IL34: variants seen among roughly 807,000 people sequenced by gnomAD.
The protein encoded by IL34 is interleukin 34.
A neutral mutation model predicts 25.3 loss-of-function variants in IL34; 17 were observed. The observed-to-expected ratio is 0.67, with a 90% CI of 0.46 to 1.01. The LOEUF (loss-of-function observed/expected upper bound fraction) is 1.01. IL34 is among the 50% of genes least tolerant of loss of function. IL34 has a pLI of 0.00. For missense variants in IL34, 368 were observed against 312.9 expected, an observed-to-expected ratio of 1.18 and a Z score of -1.33; for synonymous variants, 174 against 140.9, an observed-to-expected ratio of 1.23 and a Z score of -1.66.
At chr16:70,586,248 C>T (rs904966100) in intron 1 of IL34, among the ~76,000 whole-genome samples, 5 of 152,114 alleles carry the variant, frequency 3.3e-5, no homozygotes, top group East Asian at 1.9e-4. Context: ...TTAGCTATTG[C>T]GAATAACGCT....
At chr16:70,626,725 T>C (rs1168849552) in intron 1 of IL34, among the ~76,000 whole-genome samples, 3 of 152,128 alleles carry the variant, frequency 2.0e-5, no homozygotes, top group East Asian at 1.9e-4. Flanking sequence ...TGTTTTCTTC[T>C]ATTATTTTAT....
rs970877724 is a variant in IL34, at chr16:70,660,437, G to A, written c.*250G>A. On this transcript the variant is annotated 3_prime_UTR_variant, in exon 6 of 6. Transcript: ENST00000288098. ...AAGGTGGATGGGGACACAGCTCCTG[G>A]CTTCTCCTGGTGCTGCCCTCACTGT... is the stretch of plus-strand genomic sequence containing the variant. 50 of 439,794 alleles carry A rather than the reference G, an allele frequency of 1.1e-4. No homozygotes were observed. The highest frequency in any genetic ancestry group is 1.9e-4 in the Non-Finnish European group (47 of 250,586). The allele number at this position is 439,794 out of a possible 1,614,324, so 27.2% of individuals were successfully genotyped here.
At chr16:70,583,630 G>T (rs1271757093) in intron 1 of IL34, among the ~76,000 whole-genome samples, 1 of 151,840 alleles carries the variant, frequency 6.6e-6, no homozygotes, top group Non-Finnish European at 1.5e-5. Context: ...GCTGGGTTCT[G>T]GTCCCAGCCC....
intron 1 of IL34, among the ~76,000 whole-genome samples, chr16:70,599,331 C>CTTT (rs1459197847): frequency 1.4e-4 from 7 of 51,310 alleles, no homozygotes; most frequent in Admixed American, 8.2e-4. Context: ...CTTTCTTTCT[C>CTTT]TCTTTCTTTC....
At chr16:70,597,248 T>C (rs1363692183) in intron 1 of IL34, among the ~76,000 whole-genome samples, 1 of 151,098 alleles carries the variant, frequency 6.6e-6, no homozygotes, top group Non-Finnish European at 1.5e-5. Flanking sequence ...GGAGACAGTG[T>C]CTTGCTCTGT....
intron 1 of IL34, among the ~76,000 whole-genome samples, chr16:70,635,759 T>G (rs1253426714): frequency 6.6e-6 from 1 of 152,318 alleles, no homozygotes; most frequent in Admixed American, 6.5e-5. Context: ...CCTACGTTTT[T>G]CCAAAACCCA....
At chr16:70,659,596 C>T in intron 4 of IL34, 22 bp from the exon 5 acceptor site, 1 of 1,593,674 alleles carries the variant, frequency 6.3e-7, no homozygotes, top group South Asian at 1.1e-5. Context: ...GCCACCGCTC[C>T]TGACTGTTTC....
intron 1 of IL34, among the ~76,000 whole-genome samples, chr16:70,594,527 A>T (rs1161855805): frequency 1.3e-5 from 2 of 152,192 alleles, no homozygotes; most frequent in African/African-American, 4.8e-5. Context: ...ACAGTTACTG[A>T]TGCCTGGTTC....
chr16:70,635,833 A>T (rs569545164), intron 1 of IL34, among the ~76,000 whole-genome samples: 1 of 152,290 alleles, frequency 6.6e-6, no homozygotes, highest in Admixed American at 6.5e-5. Context: ...GATAGCATGT[A>T]CTGTATGCCA....
chr16:70,635,905 T>C (rs2051631430), intron 1 of IL34, among the ~76,000 whole-genome samples: 1 of 152,022 alleles, frequency 6.6e-6, no homozygotes, highest in South Asian at 2.1e-4. Flanking sequence ...CCCTTTGAGG[T>C]CAGAATCTCA....
At position 70,646,645 on chromosome 16, in the gene IL34, G is replaced by A. The variant is rs1479481052; in HGVS notation, c.-303G>A. The A allele has an allele frequency of 1.2e-5, 5 of 413,282 alleles. No individual in the cohort carries two copies. The highest frequency in any genetic ancestry group is 4.3e-6 in the Non-Finnish European group (1 of 235,198). 25.6% of individuals were successfully genotyped at this position (413,282 alleles called of 1,614,324 possible). On this transcript the variant is annotated 5_prime_UTR_variant, in exon 1 of 6. Transcript: ENST00000288098. ...GGCCTGCCAGGGACTCTCTCCTCCTGCTCCTTGGAAAGGAAGACCCCGAAA... is the reference window on the plus strand; with the variant it reads ...GGCCTGCCAGGGACTCTCTCCTCCTACTCCTTGGAAAGGAAGACCCCGAAA...
intron 1 of IL34, among the ~76,000 whole-genome samples, chr16:70,651,156 G>T (rs1359925558): frequency 6.6e-6 from 1 of 152,136 alleles, no homozygotes; most frequent in Non-Finnish European, 1.5e-5. Flanking sequence ...GGCTGATGCA[G>T]AAAGGGGAGA....
At chr16:70,631,569 AC>A (rs1320309904) in intron 1 of IL34, among the ~76,000 whole-genome samples, 2 of 152,172 alleles carry the variant, frequency 1.3e-5, no homozygotes, top group Non-Finnish European at 2.9e-5. Context: ...TGTCCCAATG[AC>A]CTTTTAGAGT....
intron 4 of IL34, 29 bp downstream of exon 4, chr16:70,657,150 G>GGT (rs759042156): frequency 2.2e-4 from 360 of 1,604,908 alleles, no homozygotes; most frequent in Non-Finnish European, 2.4e-4. Context: ...TGGCAGGTGG[G>GGT]GTGTGTGTGT....
intron 1 of IL34, among the ~76,000 whole-genome samples, chr16:70,626,473 T>G (rs1375093430): frequency 6.6e-6 from 1 of 152,180 alleles, no homozygotes; most frequent in Non-Finnish European, 1.5e-5. Context: ...CCTGGCTCAC[T>G]GCAACCTCTG....
Position 70,646,946 on chromosome 16 carries a change from C to T in IL34, c.-2C>T. On this transcript the variant is annotated 5_prime_UTR_variant, in exon 1 of 6. Coordinates refer to ENST00000288098, the MANE Select transcript of IL34 (RefSeq NM_001393494.1). ...GCTCTCAGGGGGACGAGGAACACCA[C>T]CATGCCCCGGGGCTTCACCTGGCTG... 1.4e-6 allele frequency: 2 copies of T among 1,474,932 alleles called. No homozygotes were observed. The highest frequency in any genetic ancestry group is 1.8e-6 in the Non-Finnish European group (2 of 1,118,842). The allele number at this position is 1,474,932 out of a possible 1,614,324, so 91.4% of individuals were successfully genotyped here.
chr16:70,589,779 C>G (rs1481503457), intron 1 of IL34, among the ~76,000 whole-genome samples: 2 of 152,062 alleles, frequency 1.3e-5, no homozygotes, highest in African/African-American at 2.4e-5. Flanking sequence ...CCCGCCACCA[C>G]GCCCAGCTAT....
rs928992522 is a variant in IL34 at position 70,646,595 on chromosome 16, C to T, written c.-353C>T. Reference sequence around the variant, plus strand: ...CTGCAGTCGGAGAAATCAGAGAAAGCGTCACCCAGCCCCAGATTCCGAGGG... The same window carrying T: ...CTGCAGTCGGAGAAATCAGAGAAAGTGTCACCCAGCCCCAGATTCCGAGGG... On this transcript the variant is annotated 5_prime_UTR_variant, in exon 1 of 6. Transcript: ENST00000288098. The T allele has an allele frequency of 1.5e-5, 5 of 326,064 alleles. No individual in the cohort carries two copies. The highest frequency in any genetic ancestry group is 9.0e-5 in the South Asian group (1 of 11,054). The allele number at this position is 326,064 out of a possible 1,614,324, so 20.2% of individuals were successfully genotyped here. A position where few individuals can be genotyped will look rare whatever the true frequency, so the allele number is the denominator to read the frequency against.
chr16:70,630,341 C>T (rs921581034), intron 1 of IL34, among the ~76,000 whole-genome samples: 3 of 152,180 alleles, frequency 2.0e-5, no homozygotes, highest in African/African-American at 7.2e-5. Flanking sequence ...CAGCGATTCT[C>T]CTGCCTCAAC....
Sources: gnomAD v4.1 joint callset for allele counts (sites outside exome capture counted in the v4.1 genomes callset) on GRCh38, gnomAD v4.1.1 for gene constraint, MANE v1.5 for transcripts, NCBI Gene and HGNC (gene_info 2026-07-23, HGNC 2026-07-21) for gene names.